Variants in TANC2 observed in about 807,000 individuals in gnomAD.
TANC2 encodes the protein protein TANC2.
In TANC2, 26 loss-of-function variants were observed where a neutral mutation model predicts 210.5. That is an observed-to-expected ratio of 0.12 (90% confidence interval 0.09 to 0.17). The LOEUF is 0.17. Ranked by LOEUF, TANC2 falls within the 10% of genes least tolerant of loss-of-function variation. The probability of loss-of-function intolerance (pLI) is 1.00; values close to 1 mark genes in which losing one functional copy is unlikely to be tolerated. For synonymous variants in TANC2, 931 were observed against 967.1 expected, an observed-to-expected ratio of 0.96 and a Z score of 0.69; for missense variants, 2,129 against 2,608.9, an observed-to-expected ratio of 0.82 and a Z score of 4.01.
intron 1 of TANC2, among the ~76,000 whole-genome samples, chr17:63,003,429 A>T (rs913968031): frequency 6.6e-6 from 1 of 152,200 alleles, no homozygotes; most frequent in Non-Finnish European, 1.5e-5. Flanking sequence ...CGCTATATGC[A>T]GTAACTGATC....
At chr17:63,073,230 C>G (rs191048660) in intron 2 of TANC2, among the ~76,000 whole-genome samples, 1 of 151,868 alleles carries the variant, frequency 6.6e-6, no homozygotes, top group Non-Finnish European at 1.5e-5. Context: ...TTCTGTTTTA[C>G]TGTGCCTATT....
At chr17:63,353,803 C>T (rs964820193) in intron 13 of TANC2, among the ~76,000 whole-genome samples, 3 of 152,114 alleles carry the variant, frequency 2.0e-5, no homozygotes, top group East Asian at 1.9e-4. Context: ...AGGTGAGATG[C>T]GTTGTGTCAA....
Position 63,421,770 on chromosome 17 carries a change from T to C in TANC2, c.6040T>C (p.Ser2014Pro). The C allele has an allele frequency of 1.2e-6, 2 of 1,613,710 alleles. No individual in the cohort carries two copies. The highest frequency in any genetic ancestry group is 1.7e-6 in the Non-Finnish European group (2 of 1,179,804). ...CCCCCATGGGATGCTGGCTAACGGG[T>C]CTCGTGGAGACCTCTTGGAGCGAGT... Residue 2014 changes from serine to proline, a missense_variant, in exon 28 of 28, where the codon TCT (serine) becomes CCT (proline). Coordinates refer to ENST00000689528, the Ensembl canonical transcript of TANC2. This position sits in a 1 kb window ranked among gnomAD's most constrained non-coding sequence, Gnocchi z 6.9.
chr17:63,188,049 T>C (rs2041054773), intron 5 of TANC2, among the ~76,000 whole-genome samples: 1 of 152,096 alleles, frequency 6.6e-6, no homozygotes, highest in Non-Finnish European at 1.5e-5. Context: ...AAGAAATGTC[T>C]AAGAAATTTC....
chr17:63,365,493 C>T (rs879242777), intron 14 of TANC2, among the ~76,000 whole-genome samples: 3 of 152,196 alleles, frequency 2.0e-5, no homozygotes, highest in Admixed American at 2.0e-4. Flanking sequence ...CCAGAGCAAT[C>T]TTATAAAAAC....
At chr17:63,110,513 C>A (rs2037995286) in intron 4 of TANC2, among the ~76,000 whole-genome samples, 1 of 151,574 alleles carries the variant, frequency 6.6e-6, no homozygotes, top group Non-Finnish European at 1.5e-5. Flanking sequence ...AGTCTAAGAT[C>A]AAGGCACCAG....
intron 9 of TANC2, among the ~76,000 whole-genome samples, chr17:63,290,181 ACTG>A (rs1399727339): frequency 2.9e-4 from 44 of 152,244 alleles, no homozygotes; most frequent in African/African-American, 1.1e-3. Flanking sequence ...TTCAGTATTT[ACTG>A]TGAGAACCTG....
chr17:63,054,934 A>C (rs185958407), intron 2 of TANC2, among the ~76,000 whole-genome samples: 112 of 152,312 alleles, frequency 7.4e-4, no homozygotes, highest in Middle Eastern at 3.4e-3. Flanking sequence ...TAGTTTCTAG[A>C]GTATTGAAGA....
At chr17:62,991,012 A>T (rs916185267) in intron 1 of TANC2, among the ~76,000 whole-genome samples, 2 of 152,196 alleles carry the variant, frequency 1.3e-5, no homozygotes, top group Non-Finnish European at 2.9e-5. Context: ...GATTTCTGAC[A>T]TATTTGGTAT....
chr17:63,411,717 C>A, intron 22 of TANC2, 31 bp downstream of exon 22: 2 of 1,584,474 alleles, frequency 1.3e-6, no homozygotes, highest in Non-Finnish European at 8.6e-7. Context: ...CTCAAGAGAG[C>A]AGAGAGAGGG....
intron 1 of TANC2, among the ~76,000 whole-genome samples, chr17:62,975,858 T>A (rs1352486857): frequency 1.3e-5 from 2 of 152,266 alleles, no homozygotes; most frequent in East Asian, 3.9e-4. Context: ...TAATAAATGG[T>A]AATTTTTATT....
At chr17:63,083,442 GA>G (rs1431688840) in intron 3 of TANC2, among the ~76,000 whole-genome samples, 1 of 151,848 alleles carries the variant, frequency 6.6e-6, no homozygotes, top group African/African-American at 2.4e-5. Flanking sequence ...GGGGGAAAGG[GA>G]AAAAAAGGGG....
At position 62,966,266 on chromosome 17, in the gene TANC2, G is replaced by A. The variant is rs2031324489; in HGVS notation, c.-507G>A. On this transcript the variant is annotated 5_prime_UTR_variant, in exon 1 of 28. Transcript: ENST00000689528. This position sits in a 1 kb window ranked among gnomAD's most constrained non-coding sequence, Gnocchi z 5.1. Reference sequence around the variant, plus strand: ...GCTAGCGAGCGGCCGGCGGGGCGCGGGTTGCTGGGCGCGCTGCTCCGGCGG... The same window carrying A: ...GCTAGCGAGCGGCCGGCGGGGCGCGAGTTGCTGGGCGCGCTGCTCCGGCGG... 1.4e-5 allele frequency among the ~76,000 whole-genome samples: 2 copies of A among 146,006 alleles called. No individual in the cohort carries two copies. The highest frequency in any genetic ancestry group is 2.5e-5 in the African/African-American group (1 of 40,752).
chr17:63,224,136 T>C (rs1383036620), intron 7 of TANC2, among the ~76,000 whole-genome samples: 2 of 152,064 alleles, frequency 1.3e-5, no homozygotes, highest in Non-Finnish European at 2.9e-5. Flanking sequence ...AAAAATAAAG[T>C]AAGCAGCATC....
At chr17:63,202,580 A>G (rs749312307) in intron 7 of TANC2, among the ~76,000 whole-genome samples, 1 of 152,174 alleles carries the variant, frequency 6.6e-6, no homozygotes, top group Non-Finnish European at 1.5e-5. Context: ...ATGGGGAATG[A>G]ATGTGTTCCA....
chr17:63,169,546 G>T (rs2040328528), intron 5 of TANC2, among the ~76,000 whole-genome samples: 1 of 152,098 alleles, frequency 6.6e-6, no homozygotes, highest in South Asian at 2.1e-4. Flanking sequence ...TTTTAAAATG[G>T]CCGGGCATGG....
intron 2 of TANC2, among the ~76,000 whole-genome samples, chr17:63,025,773 G>A (rs2034522549): frequency 6.7e-6 from 1 of 149,724 alleles, no homozygotes; most frequent in African/African-American, 2.5e-5. Flanking sequence ...TCCAGCCTGG[G>A]TGACAGAGTG....
chr17:63,229,006 C>T (rs149278546), intron 7 of TANC2, among the ~76,000 whole-genome samples: 34 of 152,164 alleles, frequency 2.2e-4, no homozygotes, highest in South Asian at 1.9e-3. Flanking sequence ...TGTCTTGTGC[C>T]GGTTTTCAAG....
chr17:63,027,451 A>G (rs2034599139), intron 2 of TANC2, among the ~76,000 whole-genome samples: 1 of 152,060 alleles, frequency 6.6e-6, no homozygotes, highest in Non-Finnish European at 1.5e-5. Context: ...TGCCAAATTA[A>G]AATGATAAAT....
Sources: gnomAD v4.1 joint callset for allele counts (sites outside exome capture counted in the v4.1 genomes callset) on GRCh38, gnomAD v4.1.1 for gene constraint, Gnocchi (gnomAD v3.1) non-coding constraint, MANE v1.5 for transcripts, NCBI Gene and HGNC (gene_info 2026-07-23, HGNC 2026-07-21) for gene names.